Variants in MAMLD1 observed in about 807,000 individuals in gnomAD.
The protein encoded by MAMLD1 is mastermind-like domain-containing protein 1.
A neutral mutation model predicts 45.0 loss-of-function variants in MAMLD1; 14 were observed. The ratio of observed to expected loss-of-function variants is 0.31; its 90% CI spans 0.21 to 0.49. The LOEUF (loss-of-function observed/expected upper bound fraction) is 0.49, where lower values mean the gene tolerates loss of function less well. MAMLD1 is among the 20% of genes least tolerant of loss of function. MAMLD1 has a pLI of 0.99. For missense variants in MAMLD1, 543 were observed against 603.6 expected (o/e 0.90, Z 1.05); for synonymous variants, 254 against 247.8 (o/e 1.02, Z -0.24).
chrX:150,368,812 A>T (rs1228067233), intron 1 of MAMLD1, among the ~76,000 whole-genome samples: 1 of 112,427 alleles, frequency 8.9e-6, no homozygotes, highest in Admixed American at 9.4e-5. Context: ...CTTTTATTAA[A>T]TAGGGAATCC....
At chrX:150,449,924 A>G (rs2035608564) in intron 2 of MAMLD1, among the ~76,000 whole-genome samples, 1 of 111,965 alleles carries the variant, frequency 8.9e-6, no homozygotes, top group South Asian at 3.8e-4. Flanking sequence ...TCTGTGTCAC[A>G]GAGATTGATA....
At chrX:150,402,252 G>T (rs1278681546) in intron 1 of MAMLD1, among the ~76,000 whole-genome samples, 1 of 109,490 alleles carries the variant, frequency 9.1e-6, no homozygotes, top group Non-Finnish European at 1.9e-5. Flanking sequence ...CCATCAAAAA[G>T]TGGGCGAAGG....
Position 150,503,495 on chromosome X carries a change from A to G in MAMLD1, c.2262A>G (p.Leu754=), listed in dbSNP as rs782774261. ...PKAWRQVPAP[L]LPSCDATARG... is the part of the protein sequence containing the mutation. ...CCTGGAGGCAGGTGCCCGCTCCACT[A>G]CTGCCTAGCTGCGACGCCACAGGTA... Residue 754 remains leucine, a synonymous_variant, in exon 6 of 8, where the codon CTA becomes CTG. Transcript: ENST00000370401. 2.3e-5 allele frequency: 27 copies of G among 1,163,562 alleles called. 1 individual carries two copies. The South Asian group carries it at 4.9e-4, about 21-fold the overall frequency.
chrX:150,452,402 C>G (rs1187114987), intron 2 of MAMLD1, among the ~76,000 whole-genome samples: 1 of 110,679 alleles, frequency 9.0e-6, no homozygotes, highest in Non-Finnish European at 1.9e-5. Flanking sequence ...ATGGCAGCCT[C>G]AAGGTTGGCC....
intron 2 of MAMLD1, among the ~76,000 whole-genome samples, chrX:150,447,277 A>G (rs1032530481): frequency 1.8e-5 from 2 of 112,310 alleles, no homozygotes; most frequent in Admixed American, 9.4e-5. Flanking sequence ...TGCCTCCTCT[A>G]TGCCACACCT....
In MAMLD1 at chrX:150,469,957, A is replaced by T; in HGVS notation, c.384A>T (p.Ser128=). 2.5e-6 allele frequency: 3 copies of T among 1,211,793 alleles called. No homozygotes were observed. Among genetic ancestry groups the T allele is most frequent in the Non-Finnish European group, 3.4e-6 (3 of 895,512 alleles). ...CGGCTATGGGAGTGGCTGGCCAGTC[A>T]TTACTGCTGGAGAATAACCCTATGA... ...SPAAMGVAGQ[S]LLLENNPMNG... is the part of the protein sequence containing the mutation. Residue 128 remains serine (S), a synonymous_variant, in exon 4 of 8, where the codon TCA becomes TCT. Coordinates refer to ENST00000370401, the MANE Select transcript of MAMLD1 (RefSeq NM_005491.5).
At chrX:150,398,778 T>C (rs2033630748) in intron 1 of MAMLD1, among the ~76,000 whole-genome samples, 1 of 111,508 alleles carries the variant, frequency 9.0e-6, no homozygotes, top group African/African-American at 3.3e-5. Context: ...TGCAGCCTTA[T>C]GGTGTAATTA....
chrX:150,462,420 G>T (rs1265027516), intron 2 of MAMLD1, among the ~76,000 whole-genome samples: 5 of 111,799 alleles, frequency 4.5e-5, no homozygotes, highest in Non-Finnish European at 9.4e-5. Flanking sequence ...TTCCCTGGAG[G>T]TGGTTGGAGA....
intron 1 of MAMLD1, among the ~76,000 whole-genome samples, chrX:150,389,059 T>G (rs932808085): frequency 3.6e-5 from 4 of 111,570 alleles, no homozygotes; most frequent in Non-Finnish European, 7.5e-5. Context: ...AATGCATTTT[T>G]TTTTTGAGAC....
chrX:150,475,779 G>A (rs782666425), intron 5 of MAMLD1, among the ~76,000 whole-genome samples: 61 of 111,953 alleles, frequency 5.4e-4, no homozygotes, highest in Non-Finnish European at 9.8e-4. Context: ...GGAAGGCAAA[G>A]GAGATGCTAA....
chrX:150,418,354 G>A (rs1250622677), intron 1 of MAMLD1, among the ~76,000 whole-genome samples: 4 of 109,261 alleles, frequency 3.7e-5, no homozygotes, highest in African/African-American at 6.7e-5. Flanking sequence ...TCTTGCTAGT[G>A]GTCTATCAAT....
chrX:150,477,426 G>T (rs1193760616), intron 5 of MAMLD1, among the ~76,000 whole-genome samples: 1 of 112,106 alleles, frequency 8.9e-6, no homozygotes, highest in Non-Finnish European at 1.9e-5. Flanking sequence ...ACCCCCAGGG[G>T]TGGACGGTGA....
intron 1 of MAMLD1, among the ~76,000 whole-genome samples, chrX:150,390,024 G>C (rs1167241693): frequency 1.8e-5 from 2 of 111,855 alleles, no homozygotes; most frequent in East Asian, 2.8e-4. Context: ...GTTGTATTTA[G>C]AGTAATAGAA....
intron 1 of MAMLD1, among the ~76,000 whole-genome samples, chrX:150,414,337 G>A (rs1004676165): frequency 8.9e-6 from 1 of 111,965 alleles, no homozygotes; most frequent in African/African-American, 3.2e-5. Context: ...AAGCAGGCAA[G>A]TGTTTTTGAA....
chrX:150,494,609 G>A (rs782728917), intron 5 of MAMLD1, among the ~76,000 whole-genome samples: 37 of 111,629 alleles, frequency 3.3e-4, no homozygotes, highest in South Asian at 1.5e-3. Flanking sequence ...GGCCGGGTAC[G>A]GTGGCTTACA....
intron 1 of MAMLD1, among the ~76,000 whole-genome samples, chrX:150,405,490 G>T (rs1313567645): frequency 9.0e-6 from 1 of 111,566 alleles, no homozygotes; most frequent in Non-Finnish European, 1.9e-5. Flanking sequence ...CCTGAAGAAT[G>T]AATGGGCAGT....
At chrX:150,387,503 T>C (rs191307748) in intron 1 of MAMLD1, among the ~76,000 whole-genome samples, 9 of 112,116 alleles carry the variant, frequency 8.0e-5, no homozygotes, top group Non-Finnish European at 1.1e-4. Context: ...GAAAATACAG[T>C]ATTTGTGGGA....
In MAMLD1 at chrX:150,513,153, C is replaced by A; in HGVS notation, c.*1194C>A. On this transcript the variant is annotated 3_prime_UTR_variant, in exon 8 of 8. Transcript: ENST00000370401. ...TGTCGATCCATACCCGCAGTTGTCT[C>A]CCGTTACAATTTGAGTGGTGTTGTC... 1.2e-6 allele frequency: 1 copy of A among 861,061 alleles called. No individual in the cohort carries two copies. Among genetic ancestry groups the A allele is most frequent in the Non-Finnish European group, 1.6e-6 (1 of 628,499 alleles). 71.0% of individuals were successfully genotyped at this position (861,061 alleles called of 1,213,427 possible).
At chrX:150,370,278 C>G (rs1213109530) in intron 1 of MAMLD1, among the ~76,000 whole-genome samples, 1 of 111,468 alleles carries the variant, frequency 9.0e-6, no homozygotes, top group Non-Finnish European at 1.9e-5. Flanking sequence ...AAAAGCATTG[C>G]AAAGCTCAAT....
Sources: allele counts gnomAD v4.1 joint callset (sites outside exome capture counted in the v4.1 genomes callset), GRCh38; gene constraint gnomAD v4.1.1; transcripts MANE v1.5; gene names NCBI Gene and HGNC (gene_info 2026-07-23, HGNC 2026-07-21).